Variants in KLHDC1 observed in about 807,000 individuals in gnomAD.
KLHDC1 encodes kelch domain containing 1.
A neutral mutation model predicts 68.3 loss-of-function variants in KLHDC1; 53 were observed. That is an observed-to-expected ratio of 0.78 (90% CI 0.62 to 0.98). KLHDC1 has a LOEUF of 0.98. KLHDC1 is among the 50% of genes least tolerant of loss of function. The probability of loss-of-function intolerance (pLI) is 0.00; values close to 1 mark genes in which losing one functional copy is unlikely to be tolerated. For missense variants in KLHDC1, 470 were observed against 492.3 expected (o/e 0.95, Z 0.43); for synonymous variants, 148 against 159.0 (o/e 0.93, Z 0.52).
chr14:49,702,165 T>C, intron 1 of KLHDC1, among the ~76,000 whole-genome samples: 1 of 130,222 alleles, frequency 7.7e-6, no homozygotes, highest in South Asian at 2.3e-4. Flanking sequence ...CGAAATTCTG[T>C]CTCAAAAAAA....
At chr14:49,711,420 A>C (rs1289123807) in intron 4 of KLHDC1, among the ~76,000 whole-genome samples, 1 of 151,928 alleles carries the variant, frequency 6.6e-6, no homozygotes, top group Non-Finnish European at 1.5e-5. Flanking sequence ...AGCCAGGATA[A>C]TCTCGATCTC....
intron 1 of KLHDC1, among the ~76,000 whole-genome samples, chr14:49,693,748 C>CTTTTTTTTGTTTTTTTTTTTTTTTTTTT (rs1887646210): frequency 1.6e-5 from 1 of 61,540 alleles, no homozygotes; most frequent in Non-Finnish European, 3.4e-5. Flanking sequence ...TTTTCTTTTT[C>CTTTTTTTTGTTTTTTTTTTTTTTTTTTT]TTTTTTTTTT....
At chr14:49,739,373 C>A (rs957446253) in intron 10 of KLHDC1, among the ~76,000 whole-genome samples, 4 of 152,142 alleles carry the variant, frequency 2.6e-5, no homozygotes, top group African/African-American at 9.7e-5. Context: ...ATTGGTAGTG[C>A]AGATGCTTCA....
At chr14:49,747,243 A>G (rs1019478549) in intron 12 of KLHDC1, among the ~76,000 whole-genome samples, 6 of 152,138 alleles carry the variant, frequency 3.9e-5, no homozygotes, top group South Asian at 2.1e-4. Context: ...CACCACACCC[A>G]GCCTTAACTT....
intron 12 of KLHDC1, 40 bp from the exon 13 acceptor site, chr14:49,751,546 C>T (rs1889320349): frequency 2.1e-6 from 2 of 932,964 alleles, no homozygotes; most frequent in Non-Finnish European, 3.1e-6. Context: ...ATTATAACCT[C>T]AGGTTCAAGA....
chr14:49,693,748 CT>C lies in KLHDC1; in HGVS notation c.96+474del, dbSNP rs1231129663. On this transcript the variant is annotated intron_variant, in intron 1 of 12. Coordinates refer to ENST00000359332, the MANE Select transcript of KLHDC1 (RefSeq NM_172193.3). ...TAAATATTTATTTTCTTTTCTTTTTCTTTTTTTTTTTTTTTTGAGATGGAGT... is the reference window on the plus strand; with the variant it reads ...TAAATATTTATTTTCTTTTCTTTTTCTTTTTTTTTTTTTTTGAGATGGAGT... 0.03 allele frequency among the ~76,000 whole-genome samples: 1,827 copies of C among 61,554 alleles called. 313 individuals carry two copies. In the East Asian group the frequency reaches 0.3, roughly 10 times the overall value. 40.4% of individuals were successfully genotyped at this position (61,554 alleles called of 152,430 possible).
intron 1 of KLHDC1, among the ~76,000 whole-genome samples, chr14:49,699,408 G>A (rs963844599): frequency 1.1e-4 from 17 of 151,082 alleles, no homozygotes; most frequent in African/African-American, 4.1e-4. Context: ...AGCCATATGG[G>A]TAGTATAGGC....
At chr14:49,749,007 G>C (rs953986368) in intron 12 of KLHDC1, among the ~76,000 whole-genome samples, 27 of 151,878 alleles carry the variant, frequency 1.8e-4, no homozygotes, top group African/African-American at 5.3e-4. Flanking sequence ...CACCATATTG[G>C]CCAGCCTGGT....
At chr14:49,749,648 A>AG (rs1889279422) in intron 12 of KLHDC1, among the ~76,000 whole-genome samples, 1 of 149,810 alleles carries the variant, frequency 6.7e-6, no homozygotes, top group South Asian at 2.1e-4. Context: ...ACTACACTCC[A>AG]GCCTGCGCAA....
intron 4 of KLHDC1, among the ~76,000 whole-genome samples, chr14:49,714,842 TATA>T (rs1326308888): frequency 1.4e-5 from 1 of 74,038 alleles, no homozygotes; most frequent in Non-Finnish European, 2.8e-5. Flanking sequence ...ACATAGTATA[TATA>T]ATATAAAATA....
intron 4 of KLHDC1, among the ~76,000 whole-genome samples, chr14:49,718,953 A>G (rs917369929): frequency 1.3e-5 from 2 of 149,260 alleles, no homozygotes; most frequent in Middle Eastern, 3.2e-3. Flanking sequence ...ATTTTTTTGT[A>G]TTTTTAGTAG....
Position 49,693,250 on chromosome 14 carries a change from T to G in KLHDC1, c.56T>G (p.Val19Gly). Residue 19 changes from valine to glycine, a missense_variant, in exon 1 of 13, where the codon GTG becomes GGG. Val to Gly is a moderately radical substitution (Grantham distance 109). Transcript: ENST00000359332. Reference sequence around the variant, plus strand: ...GAGGAACGCAGCGGCCACTGCGCCGTGGTGGACGGAAACTTCCTCTACGTG... The same window carrying G: ...GAGGAACGCAGCGGCCACTGCGCCGGGGTGGACGGAAACTTCCTCTACGTG... ...VAEERSGHCA[V>G]VDGNFLYVWG... 6.4e-7 allele frequency: 1 copy of G among 1,571,602 alleles called. No homozygotes were observed. The highest frequency in any genetic ancestry group is 1.4e-5 in the African/African-American group (1 of 70,730).
chr14:49,739,501 C>CA (rs1244446263), intron 10 of KLHDC1, among the ~76,000 whole-genome samples: 1 of 151,994 alleles, frequency 6.6e-6, no homozygotes, highest in Non-Finnish European at 1.5e-5. Flanking sequence ...GTTCTGTACT[C>CA]AGAGTGATGA....
rs1440305267 is a variant in KLHDC1 at position 49,743,915 on chromosome 14, A to G, written c.1034+110A>G. On this transcript the variant is annotated intron_variant, in intron 12 of 12. Transcript: ENST00000359332. ...TCAGGTTGCTTATGACATGAATTCA[A>G]GAATATGTTCACATCTTCCTAAGAG... The G allele has an allele frequency of 3.3e-5, 21 of 635,354 alleles. No individual in the cohort carries two copies. In the South Asian group the frequency reaches 3.8e-4, roughly 12 times the overall value. The allele number at this position is 635,354 out of a possible 1,614,324, so 39.4% of individuals were successfully genotyped here.
intron 4 of KLHDC1, among the ~76,000 whole-genome samples, chr14:49,711,279 G>C (rs935236919): frequency 7.2e-5 from 11 of 152,196 alleles, no homozygotes; most frequent in African/African-American, 2.7e-4. Flanking sequence ...TCGGCTCACT[G>C]CAACCTCCAC....
At chr14:49,751,563 A>G in intron 12 of KLHDC1, 23 bp from the exon 13 acceptor site, 1 of 1,281,178 alleles carries the variant, frequency 7.8e-7, no homozygotes, top group Non-Finnish European at 1.1e-6. Context: ...AAGACTAATA[A>G]TTCTGTTATG....
At chr14:49,740,307 T>C (rs1889029482) in intron 11 of KLHDC1, 125 bp downstream of exon 11, 1 of 596,436 alleles carries the variant, frequency 1.7e-6, no homozygotes, top group Non-Finnish European at 3.0e-6. Context: ...TGTTACTCTG[T>C]GGTTTAATTA....
intron 8 of KLHDC1, among the ~76,000 whole-genome samples, chr14:49,731,582 G>A (rs1341011154): frequency 6.6e-6 from 1 of 152,044 alleles, no homozygotes; most frequent in Admixed American, 6.6e-5. Context: ...TGATTCTCCT[G>A]CCTCAACCTC....
At chr14:49,736,971 G>T (rs1273886195) in intron 10 of KLHDC1, among the ~76,000 whole-genome samples, 1 of 152,202 alleles carries the variant, frequency 6.6e-6, no homozygotes, top group African/African-American at 2.4e-5. Flanking sequence ...TATGTAGCCA[G>T]ATCTGATAGC....
Sources: gnomAD v4.1 joint callset for allele counts (sites outside exome capture counted in the v4.1 genomes callset) on GRCh38, gnomAD v4.1.1 for gene constraint, MANE v1.5 for transcripts, NCBI Gene and HGNC (gene_info 2026-07-23, HGNC 2026-07-21) for gene names.